The following DENND6A variants were observed in gnomAD, a reference collection of about 807,000 sequenced individuals.
DENND6A encodes the protein protein DENND6A.
In DENND6A, 43 loss-of-function variants were observed where a neutral mutation model predicts 95.5. That is an observed-to-expected ratio of 0.45 (90% CI 0.35 to 0.58). The LOEUF (loss-of-function observed/expected upper bound fraction) is 0.58, where lower values mean the gene tolerates loss of function less well. Ranked by LOEUF, DENND6A falls within the 20% of genes least tolerant of loss-of-function variation. DENND6A has a pLI of 0.00. For synonymous variants in DENND6A, 257 were observed against 260.4 expected, an observed-to-expected ratio of 0.99 and a Z score of 0.13; for missense variants, 574 against 736.0, an observed-to-expected ratio of 0.78 and a Z score of 2.55.
rs1559826605 is a variant in DENND6A at position 57,672,312 on chromosome 3, CA to C, written c.277-15del. On this transcript the variant is annotated splice_polypyrimidine_tract_variant and intron_variant, in intron 2 of 19. Transcript: ENST00000311128. ...AATATTGGTTTTCTGAAAAAGAAAA[CA>C]AAAGTGATGTATGCTGACACATACA... 6.2e-7 allele frequency: 1 copy of C among 1,608,814 alleles called. No homozygotes were observed. The highest frequency in any genetic ancestry group is 2.2e-5 in the East Asian group (1 of 44,646).
chr3:57,628,364 A>T lies in DENND6A; in HGVS notation c.1696-19T>A. On this transcript the variant is annotated intron_variant, in intron 19 of 19. Coordinates refer to ENST00000311128, the MANE Select transcript of DENND6A (RefSeq NM_152678.3). ...CCTGCAACTACATAAGGAACATTTC[A>T]TAACATTTAAATTATCCTCAGAATC... 6.2e-7 allele frequency: 1 copy of T among 1,610,156 alleles called. No homozygotes were observed.
chr3:57,657,575 C>A, intron 9 of DENND6A, 105 bp downstream of exon 9: 1 of 708,226 alleles, frequency 1.4e-6, no homozygotes, highest in Non-Finnish European at 2.4e-6. Context: ...TAACTATTTT[C>A]TTCCAATTTT....
In DENND6A at chr3:57,680,893, G is replaced by A. The variant is rs543744742; in HGVS notation, c.238-8455C>T. Among the ~76,000 whole-genome samples the A allele has an allele frequency of 3.4e-4, 52 of 152,210 alleles. 1 individual carries two copies. The South Asian group carries it at 6.6e-3, about 19-fold the overall frequency. ...ACTAGGACAGCTGTAATCAAAAGGA[G>A]AGACAATAACAAGAGTTGATAAGGA... On this transcript the variant is annotated intron_variant, in intron 1 of 19. Transcript: ENST00000311128.
intron 19 of DENND6A, 59 bp downstream of exon 19, chr3:57,628,752 G>C: frequency 6.5e-7 from 1 of 1,548,422 alleles, no homozygotes. Flanking sequence ...CAGCTCACAT[G>C]AGAGGACAAT....
At chr3:57,663,099 C>T (rs976709682) in intron 5 of DENND6A, among the ~76,000 whole-genome samples, 23 of 141,090 alleles carry the variant, frequency 1.6e-4, no homozygotes, top group Non-Finnish European at 2.7e-4. Context: ...TGCAGTGAGC[C>T]GAGATCACAC....
At chr3:57,690,463 G>A (rs1402415423) in intron 1 of DENND6A, among the ~76,000 whole-genome samples, 1 of 151,988 alleles carries the variant, frequency 6.6e-6, no homozygotes, top group African/African-American at 2.4e-5. Flanking sequence ...GGAGCTTGCA[G>A]GGAGACGAGA....
Position 57,660,621 on chromosome 3 carries a change from T to C in DENND6A, c.699+139A>G, listed in dbSNP as rs1211452265. On this transcript the variant is annotated intron_variant, in intron 7 of 19. Coordinates refer to ENST00000311128, the MANE Select transcript of DENND6A (RefSeq NM_152678.3). ...TACTTGTGGGGCTGAAGTGGGAGGA[T>C]TGCTTGAGCCCGGAAAGTTGAGGCT... 7 of 612,858 alleles carry C rather than the reference T, an allele frequency of 1.1e-5. No homozygotes were observed. In the Admixed American group the frequency reaches 1.6e-4, roughly 14 times the overall value. 38.0% of individuals were successfully genotyped at this position (612,858 alleles called of 1,614,324 possible). A position where few individuals can be genotyped will look rare whatever the true frequency, so the allele number is the denominator to read the frequency against.
chr3:57,647,398 T>C lies in DENND6A; in HGVS notation c.819-960A>G, dbSNP rs930106096. Among the ~76,000 whole-genome samples, 17 of 152,044 alleles carry C rather than the reference T, an allele frequency of 1.1e-4. 2 individuals are homozygous for C. The highest frequency in any genetic ancestry group is 9.8e-4 in the Admixed American group (15 of 15,248). On this transcript the variant is annotated intron_variant, in intron 9 of 19. Coordinates refer to ENST00000311128, the MANE Select transcript of DENND6A (RefSeq NM_152678.3). ...CAGAACATGGTAGGTATCTCTGCCA[T>C]GAGGGAAAGAGAGCCGTATTGACCA... is the stretch of plus-strand genomic sequence containing the variant.
intron 4 of DENND6A, among the ~76,000 whole-genome samples, chr3:57,664,676 T>G (rs1369572347): frequency 6.6e-6 from 1 of 152,022 alleles, no homozygotes; most frequent in Non-Finnish European, 1.5e-5. Context: ...CTACTAAAAA[T>G]ACAAAAATTA....
intron 15 of DENND6A, chr3:57,631,299 C>G: frequency 4.9e-6 from 1 of 204,100 alleles, no homozygotes; most frequent in South Asian, 9.9e-5. Context: ...CGGGTTCAAG[C>G]GATTCTCCCG....
At chr3:57,632,017 C>T (rs1277068397) in intron 15 of DENND6A, among the ~76,000 whole-genome samples, 12 of 126,284 alleles carry the variant, frequency 9.5e-5, no homozygotes, top group Middle Eastern at 7.1e-3. Context: ...CCACCGCGCC[C>T]GGCCTTTTTT....
intron 1 of DENND6A, among the ~76,000 whole-genome samples, chr3:57,690,204 AAAAC>A (rs1183705786): frequency 6.6e-6 from 1 of 151,214 alleles, no homozygotes; most frequent in Non-Finnish European, 1.5e-5. Context: ...AAAAACAAAA[AAAAC>A]AAAATTAGCT....
At chr3:57,659,260 A>G in intron 7 of DENND6A, 80 bp from the exon 8 acceptor site, 2 of 1,437,614 alleles carry the variant, frequency 1.4e-6, no homozygotes, top group East Asian at 2.3e-5. Flanking sequence ...CTAAAAAGGT[A>G]TGGTCAGTAA....
At chr3:57,654,569 AT>A in intron 9 of DENND6A, 1 of 919,216 alleles carries the variant, frequency 1.1e-6, no homozygotes, top group Non-Finnish European at 1.3e-6. Flanking sequence ...AGCAAATATC[AT>A]CAAGTAAAAT....
intron 9 of DENND6A, among the ~76,000 whole-genome samples, chr3:57,651,720 C>T (rs780531743): frequency 2.0e-5 from 3 of 151,678 alleles, no homozygotes; most frequent in Non-Finnish European, 4.4e-5. Flanking sequence ...CGGAATATCT[C>T]ACACCAGAAA....
At chr3:57,633,627 G>T (rs1268217744) in intron 14 of DENND6A, among the ~76,000 whole-genome samples, 1 of 152,158 alleles carries the variant, frequency 6.6e-6, no homozygotes, top group African/African-American at 2.4e-5. Flanking sequence ...CGTGGCTCAC[G>T]TCTGTAATCC....
chr3:57,677,562 A>C (rs1023125231), intron 1 of DENND6A, among the ~76,000 whole-genome samples: 1 of 150,592 alleles, frequency 6.6e-6, no homozygotes, highest in Non-Finnish European at 1.5e-5. Context: ...TAGCCTCCTC[A>C]GTAGCTGGGA....
At chr3:57,653,941 C>CTTTTTTTTTTTTTTTTTTTTTT in intron 9 of DENND6A, among the ~76,000 whole-genome samples, 1 of 75,820 alleles carries the variant, frequency 1.3e-5, no homozygotes, top group Non-Finnish European at 2.4e-5. Flanking sequence ...TAGAAATTCA[C>CTTTTTTTTTTTTTTTTTTTTTT]TTTTTTTTTT....
intron 1 of DENND6A, among the ~76,000 whole-genome samples, chr3:57,686,610 C>A (rs2077213625): frequency 6.6e-6 from 1 of 152,164 alleles, no homozygotes; most frequent in South Asian, 2.1e-4. Flanking sequence ...ATATTTCAAA[C>A]TTTTTTGTTA....
Sources: allele counts gnomAD v4.1 joint callset (sites outside exome capture counted in the v4.1 genomes callset), GRCh38; gene constraint gnomAD v4.1.1; transcripts MANE v1.5; gene names NCBI Gene and HGNC (gene_info 2026-07-23, HGNC 2026-07-21).